Variants in METTL15 observed in about 807,000 individuals in gnomAD.
The protein encoded by METTL15 is methyltransferase 15, mitochondrial 12S rRNA N4-cytidine.
A neutral mutation model predicts 38.3 loss-of-function variants in METTL15; 34 were observed. The ratio of observed to expected loss-of-function variants is 0.89; its 90% CI spans 0.68 to 1.18. The LOEUF (loss-of-function observed/expected upper bound fraction) is 1.18, where lower values mean the gene tolerates loss of function less well. METTL15 is among the 50% of genes most tolerant of loss of function. The pLI, the probability that METTL15 is intolerant of heterozygous loss-of-function variation, is 0.00. For missense variants in METTL15, 438 were observed against 498.4 expected, an observed-to-expected ratio of 0.88 and a Z score of 1.15; for synonymous variants, 162 against 170.9, an observed-to-expected ratio of 0.95 and a Z score of 0.41.
intron 3 of METTL15, among the ~76,000 whole-genome samples, chr11:28,159,977 A>T (rs1286609279): frequency 6.6e-6 from 1 of 152,076 alleles, no homozygotes; most frequent in Non-Finnish European, 1.5e-5. Flanking sequence ...GCCAAAGGAG[A>T]TTAGCATTTG....
intron 6 of METTL15, among the ~76,000 whole-genome samples, chr11:28,504,798 C>T (rs987964555): frequency 6.6e-5 from 10 of 152,190 alleles, no homozygotes; most frequent in African/African-American, 1.9e-4. Flanking sequence ...TGAACTCATT[C>T]GAATGTTTAA....
intron 3 of METTL15, among the ~76,000 whole-genome samples, chr11:28,210,032 CTT>C (rs1186466250): frequency 6.6e-6 from 1 of 151,978 alleles, no homozygotes; most frequent in Admixed American, 6.6e-5. Context: ...TGGAGAATGT[CTT>C]GACTTGCAAA....
intron 4 of METTL15, among the ~76,000 whole-genome samples, chr11:28,218,819 T>C (rs537624462): frequency 6.6e-6 from 1 of 152,288 alleles, no homozygotes; most frequent in South Asian, 2.1e-4. Flanking sequence ...GAGATAATCA[T>C]GTGGTTTTTG....
rs563990089 is a variant in METTL15, at chr11:28,382,255, G to A, written c.*358+20219G>A. Among the ~76,000 whole-genome samples the A allele has an allele frequency of 2.6e-5, 4 of 152,302 alleles. No homozygotes were observed. The East Asian group carries it at 7.7e-4, about 29-fold the overall frequency. On this transcript the variant is annotated intron_variant and NMD_transcript_variant, in intron 5 of 7. Transcript: ENST00000532947. ...GGTGCCACTGAACAGCCACTCTGATGTGGCGTGTCTTTGGGCAAGTTACAG... is the reference window on the plus strand; with the variant it reads ...GGTGCCACTGAACAGCCACTCTGATATGGCGTGTCTTTGGGCAAGTTACAG...
intron 6 of METTL15, among the ~76,000 whole-genome samples, chr11:28,476,006 A>C (rs1371734783): frequency 1.3e-5 from 2 of 152,172 alleles, no homozygotes; most frequent in Non-Finnish European, 2.9e-5. Context: ...AGCTGAGCTT[A>C]ATGCACAGCA....
At position 28,128,380 on chromosome 11, in the gene METTL15, G is replaced by A. The variant is rs1033672252; in HGVS notation, c.270+14776G>A. On this transcript the variant is annotated intron_variant, in intron 3 of 6. Coordinates refer to ENST00000407364, the MANE Select transcript of METTL15 (RefSeq NM_001113528.2). Reference sequence around the variant, plus strand: ...ATAATTTAGCTTTAATCAATATAATGCTAGAAATTGAAAATAGTTTGTATG... The same window carrying A: ...ATAATTTAGCTTTAATCAATATAATACTAGAAATTGAAAATAGTTTGTATG... Among the ~76,000 whole-genome samples the A allele has an allele frequency of 8.6e-5, 13 of 151,996 alleles. 1 individual carries two copies. Among genetic ancestry groups the A allele is most frequent in the South Asian group, 8.3e-4 (4 of 4,826 alleles).
intron 4 of METTL15, among the ~76,000 whole-genome samples, chr11:28,286,893 CTA>C (rs977986081): frequency 2.0e-5 from 3 of 151,088 alleles, no homozygotes; most frequent in South Asian, 2.1e-4. Flanking sequence ...CACACACAGA[CTA>C]TATATATATG....
downstream of METTL15, among the ~76,000 whole-genome samples, chr11:28,337,081 TA>T (rs1849907417): frequency 6.6e-6 from 1 of 152,126 alleles, no homozygotes; most frequent in Non-Finnish European, 1.5e-5. Flanking sequence ...GTTTTAAAAG[TA>T]AATTTAAAAA....
intron 3 of METTL15, among the ~76,000 whole-genome samples, chr11:28,148,769 C>T (rs1335472346): frequency 1.3e-5 from 2 of 151,824 alleles, no homozygotes; most frequent in Non-Finnish European, 2.9e-5. Flanking sequence ...TCTTCCTTAC[C>T]TATTGTATTT....
At chr11:28,113,703 T>C in intron 3 of METTL15, 99 bp downstream of exon 3, 1 of 1,305,536 alleles carries the variant, frequency 7.7e-7, no homozygotes, top group Non-Finnish European at 1.0e-6. Context: ...TGGCCTTTAG[T>C]ATACAGATGA....
rs538103799 is a variant in METTL15 at position 28,216,636 on chromosome 11, T to C, written c.407+5438T>C. ...TGCAGATTTATTACATATGTATACA[T>C]GTGCCATGTTGCTGTGCTGCACCCA... On this transcript the variant is annotated intron_variant, in intron 4 of 6. Transcript: ENST00000407364. 4.6e-5 allele frequency among the ~76,000 whole-genome samples: 7 copies of C among 152,154 alleles called. No homozygotes were observed. The East Asian group carries it at 9.7e-4, about 21-fold the overall frequency.
chr11:28,476,673 T>A (rs1299041975), intron 6 of METTL15, among the ~76,000 whole-genome samples: 1 of 152,216 alleles, frequency 6.6e-6, no homozygotes, highest in Non-Finnish European at 1.5e-5. Flanking sequence ...CCTGGAATGC[T>A]ATGTTGTTAC....
intron 4 of METTL15, among the ~76,000 whole-genome samples, chr11:28,242,203 T>C (rs1400119691): frequency 6.6e-6 from 1 of 152,204 alleles, no homozygotes. Context: ...ATATACTTAT[T>C]TGTCAATCAT....
intron 4 of METTL15, among the ~76,000 whole-genome samples, chr11:28,267,488 G>C (rs961261356): frequency 1.3e-5 from 2 of 151,900 alleles, no homozygotes; most frequent in African/African-American, 4.8e-5. Flanking sequence ...ATGTTACTTT[G>C]TATCTTTTGA....
intron 3 of METTL15, among the ~76,000 whole-genome samples, chr11:28,209,232 T>C (rs916334872): frequency 6.6e-6 from 1 of 152,042 alleles, no homozygotes; most frequent in Non-Finnish European, 1.5e-5. Flanking sequence ...TTTTATTTAA[T>C]CTACTTTTAG....
chr11:28,372,450 C>CT (rs56304548), intron 5 of METTL15, among the ~76,000 whole-genome samples: 10 of 101,558 alleles, frequency 9.8e-5, no homozygotes, highest in African/African-American at 2.2e-4. Context: ...TTGTTGTGTT[C>CT]TTTTTTTTTT....
intron 6 of METTL15, among the ~76,000 whole-genome samples, chr11:28,309,667 T>G (rs1308120818): frequency 6.6e-6 from 1 of 152,172 alleles, no homozygotes; most frequent in East Asian, 1.9e-4. Context: ...TTTTTCTCTC[T>G]GGTTCTCGTT....
At chr11:28,209,610 A>G (rs1479926057) in intron 3 of METTL15, among the ~76,000 whole-genome samples, 1 of 152,038 alleles carries the variant, frequency 6.6e-6, no homozygotes, top group African/African-American at 2.4e-5. Flanking sequence ...ACATCTTTTT[A>G]TATTTTATGT....
At chr11:28,314,964 T>A (rs1857430130) in intron 6 of METTL15, among the ~76,000 whole-genome samples, 1 of 152,232 alleles carries the variant, frequency 6.6e-6, no homozygotes, top group South Asian at 2.1e-4. Flanking sequence ...CGCAGCCATG[T>A]GGAACTGTAA....
Sources: allele counts gnomAD v4.1 joint callset (sites outside exome capture counted in the v4.1 genomes callset), GRCh38; gene constraint gnomAD v4.1.1; transcripts MANE v1.5; gene names NCBI Gene and HGNC (gene_info 2026-07-23, HGNC 2026-07-21).